Variants in ZNF287 observed in about 807,000 individuals in gnomAD.
ZNF287 encodes zinc finger protein with KRAB and SCAN domains 13.
A neutral mutation model predicts 73.7 loss-of-function variants in ZNF287; 31 were observed. The ratio of observed to expected loss-of-function variants is 0.42; its 90% CI spans 0.32 to 0.57. ZNF287 has a LOEUF of 0.57. Among genes scored for constraint, ZNF287 ranks in the 20% least tolerant of loss-of-function variants. ZNF287 has a pLI of 0.13. For synonymous variants in ZNF287, 301 were observed against 307.2 expected (o/e 0.98, Z 0.21); for missense variants, 641 against 909.3 (o/e 0.70, Z 3.79).
rs1248816533 is a variant in ZNF287 at position 16,551,720 on chromosome 17, CACT to C, written c.*133_*135del. Reference sequence around the variant, plus strand: ...AAATCTAAATAGGTTATATCCATACCACTACTTCTGATACTTCTGCTGAGTATC... The same window carrying C: ...AAATCTAAATAGGTTATATCCATACCACTTCTGATACTTCTGCTGAGTATC... On this transcript the variant is annotated 3_prime_UTR_variant, in exon 6 of 6. Coordinates refer to ENST00000395825, the MANE Select transcript of ZNF287 (RefSeq NM_020653.4). 36 of 886,758 alleles carry C rather than the reference CACT, an allele frequency of 4.1e-5. No individual in the cohort carries two copies. Among genetic ancestry groups the C allele is most frequent in the Non-Finnish European group, 5.0e-5 (29 of 580,084 alleles). 54.9% of individuals were successfully genotyped at this position (886,758 alleles called of 1,614,324 possible).
rs1906566923 is a variant in ZNF287 at position 16,550,384 on chromosome 17, T to C, written c.*1472A>G. On this transcript the variant is annotated 3_prime_UTR_variant, in exon 6 of 6. Coordinates refer to ENST00000395825, the MANE Select transcript of ZNF287 (RefSeq NM_020653.4). ...ACTCTCATTTCATAGGCAAAGCAAG[T>C]CCAATTACATTTCATGTTATAGCAA... is the stretch of plus-strand genomic sequence containing the variant. Among the ~76,000 whole-genome samples, 1 of 152,220 alleles carries C rather than the reference T, an allele frequency of 6.6e-6. No homozygotes were observed. The highest frequency in any genetic ancestry group is 2.4e-5 in the African/African-American group (1 of 41,454).
At chr17:16,562,448 G>A (rs1907504281) in intron 5 of ZNF287, among the ~76,000 whole-genome samples, 1 of 152,010 alleles carries the variant, frequency 6.6e-6, no homozygotes, top group Non-Finnish European at 1.5e-5. Flanking sequence ...TTATTGCCAC[G>A]CTTTTATCCT....
In ZNF287 at chr17:16,563,259, T is replaced by C. The variant is rs1263830470; in HGVS notation, c.629-27A>G. 1.9e-6 allele frequency: 3 copies of C among 1,539,584 alleles called. No homozygotes were observed. In the South Asian group the frequency reaches 3.5e-5, roughly 18 times the overall value. On this transcript the variant is annotated intron_variant, in intron 4 of 5. Transcript: ENST00000395825. ...TGTTCAGGAGGAATATAAAGAATTT[T>C]ATCCTGGAGATAAATGGTTGCTCAA...
At chr17:16,563,874 G>A in intron 3 of ZNF287, 49 bp from the exon 4 acceptor site, 1 of 1,595,918 alleles carries the variant, frequency 6.3e-7, no homozygotes, top group Non-Finnish European at 8.5e-7. Flanking sequence ...AATGGCAAAG[G>A]GGACACTGAT....
Position 16,551,659 on chromosome 17 carries a change from G to A in ZNF287, c.*197C>T, listed in dbSNP as rs921853268. The A allele has an allele frequency of 1.9e-5, 10 of 529,708 alleles. No individual in the cohort carries two copies. Among genetic ancestry groups the A allele is most frequent in the Non-Finnish European group, 3.2e-5 (10 of 312,798 alleles). 32.8% of individuals were successfully genotyped at this position (529,708 alleles called of 1,614,324 possible). A position where few individuals can be genotyped will look rare whatever the true frequency, so the allele number is the denominator to read the frequency against. On this transcript the variant is annotated 3_prime_UTR_variant, in exon 6 of 6. Coordinates refer to ENST00000395825, the MANE Select transcript of ZNF287 (RefSeq NM_020653.4). The stretch of plus-strand genomic sequence containing the variant: ...TGAATTAAAATCATATCAAATTAAG[G>A]TTAAGAAGTCAAGTTTCCTTCTTAA...
rs768104641 is a variant in ZNF287, at chr17:16,553,457, A to T, written c.716-31T>A. On this transcript the variant is annotated intron_variant, in intron 5 of 5. Coordinates refer to ENST00000395825, the MANE Select transcript of ZNF287 (RefSeq NM_020653.4). The stretch of plus-strand genomic sequence containing the variant: ...ATAAAAAATATATTAAAAAATCTTC[A>T]TTTATTTGGAGAAAGGAAACTGCCA... 9 of 1,424,918 alleles carry T rather than the reference A, an allele frequency of 6.3e-6. No individual in the cohort carries two copies. The East Asian group carries it at 2.0e-4, about 32-fold the overall frequency. The allele number at this position is 1,424,918 out of a possible 1,614,324, so 88.3% of individuals were successfully genotyped here.
chr17:16,548,139 C>T lies in ZNF287; in HGVS notation c.*3717G>A, dbSNP rs1178216316. ...GACAATGGATTCAGGCAACGATCACCGTTGGTTACTTTTTACCAGGTAAAA... is the reference window on the plus strand; with the variant it reads ...GACAATGGATTCAGGCAACGATCACTGTTGGTTACTTTTTACCAGGTAAAA... On this transcript the variant is annotated 3_prime_UTR_variant, in exon 6 of 6. Coordinates refer to ENST00000395825, the MANE Select transcript of ZNF287 (RefSeq NM_020653.4). Among the ~76,000 whole-genome samples the T allele has an allele frequency of 6.6e-6, 1 of 152,102 alleles. No individual in the cohort carries two copies. Among genetic ancestry groups the T allele is most frequent in the Non-Finnish European group, 1.5e-5 (1 of 68,030 alleles).
At chr17:16,562,820 AG>A (rs1907525730) in intron 5 of ZNF287, among the ~76,000 whole-genome samples, 1 of 152,190 alleles carries the variant, frequency 6.6e-6, no homozygotes, top group Non-Finnish European at 1.5e-5. Flanking sequence ...TTAAATTTTT[AG>A]GGGGCATTCA....
Position 16,550,035 on chromosome 17 carries a change from G to A in ZNF287, c.*1821C>T, listed in dbSNP as rs1237289867. ...CAAGGGACTGGAGAAACAAGTAAGA[G>A]CACAATGAAATCTCAGTTCTCAGAA... On this transcript the variant is annotated 3_prime_UTR_variant, in exon 6 of 6. Transcript: ENST00000395825. 1.3e-5 allele frequency among the ~76,000 whole-genome samples: 2 copies of A among 152,150 alleles called. No individual in the cohort carries two copies. The highest frequency in any genetic ancestry group is 2.9e-5 in the Non-Finnish European group (2 of 68,030).
rs927957567 is a variant in ZNF287 at position 16,550,369 on chromosome 17, C to T, written c.*1487G>A. On this transcript the variant is annotated 3_prime_UTR_variant, in exon 6 of 6. Coordinates refer to ENST00000395825, the MANE Select transcript of ZNF287 (RefSeq NM_020653.4). The stretch of plus-strand genomic sequence containing the variant: ...CTTTTTTATTTAGCCACTCTCATTT[C>T]ATAGGCAAAGCAAGTCCAATTACAT... Among the ~76,000 whole-genome samples the T allele has an allele frequency of 9.2e-5, 14 of 152,298 alleles. No individual in the cohort carries two copies. Among genetic ancestry groups the T allele is most frequent in the South Asian group, 4.1e-4 (2 of 4,828 alleles).
In ZNF287 at chr17:16,552,067, T is replaced by C; in HGVS notation, c.2075A>G (p.Asn692Ser). Residue 692 changes from asparagine to serine, a missense_variant, in exon 6 of 6, where the codon AAT (asparagine) becomes AGT (serine). By Grantham distance (46) the Asn-to-Ser change is conservative. Around this residue, in one of 2 missense-constraint regions of ZNF287, gnomAD observed 284 missense variants for 466.8 expected, o/e 0.61. Coordinates refer to ENST00000395825, the MANE Select transcript of ZNF287 (RefSeq NM_020653.4). The surrounding 1 kb of genome is among the most constrained non-coding windows in gnomAD (Gnocchi z 6.5). Reference sequence around the variant, plus strand: ...TCCAGTATGAGTTCTCTGATGTTGATTAAGTGATGAGGAATAAATGAAAGC... The same window carrying C: ...TCCAGTATGAGTTCTCTGATGTTGACTAAGTGATGAGGAATAAATGAAAGC... Reference protein sequence around the residue: ...GKAFIYSSSLNQHQRTHTGER... With the variant: ...GKAFIYSSSLSQHQRTHTGER... 2 of 1,614,052 alleles carry C rather than the reference T, an allele frequency of 1.2e-6. No individual in the cohort carries two copies. Among genetic ancestry groups the C allele is most frequent in the Non-Finnish European group, 1.7e-6 (2 of 1,179,966 alleles).
In ZNF287 at chr17:16,566,478, A is replaced by T. The variant is rs773561214; in HGVS notation, c.501+47T>A. 4.6e-6 allele frequency: 7 copies of T among 1,525,792 alleles called. No individual in the cohort carries two copies. The South Asian group carries it at 8.2e-5, about 18-fold the overall frequency. The allele number at this position is 1,525,792 out of a possible 1,614,324, so 94.5% of individuals were successfully genotyped here. On this transcript the variant is annotated intron_variant, in intron 3 of 5. Coordinates refer to ENST00000395825, the MANE Select transcript of ZNF287 (RefSeq NM_020653.4). ...TAGGGCCAGGTCAGAAAATGTCCTC[A>T]CACACTAAGAAGGCATTTTAAAATC...
chr17:16,566,942 G>A (rs747287321), intron 2 of ZNF287, among the ~76,000 whole-genome samples: 1 of 151,934 alleles, frequency 6.6e-6, no homozygotes, highest in Non-Finnish European at 1.5e-5. Context: ...TTCCTTTTTT[G>A]GAAGTATTTT....
chr17:16,563,643 C>T (rs777440845), intron 4 of ZNF287, 56 bp downstream of exon 4: 2 of 1,563,466 alleles, frequency 1.3e-6, no homozygotes, highest in Middle Eastern at 1.7e-4. Flanking sequence ...GTCTGAGGAC[C>T]AACCCATTTT....
intron 3 of ZNF287, among the ~76,000 whole-genome samples, chr17:16,564,838 C>A (rs1407032479): frequency 6.6e-6 from 1 of 151,776 alleles, no homozygotes; most frequent in Non-Finnish European, 1.5e-5. Context: ...AGTGCAGTGG[C>A]CTCCTGAGTA....
In ZNF287 at chr17:16,551,874, A is replaced by G; in HGVS notation, c.2268T>C (p.Gly756=). The G allele has an allele frequency of 6.3e-7, 1 of 1,581,790 alleles. No homozygotes were observed. The highest frequency in any genetic ancestry group is 1.2e-5 in the South Asian group (1 of 86,656). ...TTATCCATTAATTACGATGTTTGGCACCTGTATGAACACGTTGATGCTGAA... is the reference window on the plus strand; with the variant it reads ...TTATCCATTAATTACGATGTTTGGCGCCTGTATGAACACGTTGATGCTGAA... ...NLIQHQRVHT[G]AKHRN The change falls in exon 6 of 6, where the codon GGT becomes GGC. Residue 756 remains glycine, a synonymous_variant. Coordinates refer to ENST00000395825, the MANE Select transcript of ZNF287 (RefSeq NM_020653.4).
chr17:16,565,269 A>G (rs1247825094), intron 3 of ZNF287, among the ~76,000 whole-genome samples: 1 of 151,778 alleles, frequency 6.6e-6, no homozygotes, highest in Non-Finnish European at 1.5e-5. Flanking sequence ...TGATGACTTT[A>G]TAATATTCAA....
At position 16,548,247 on chromosome 17, in the gene ZNF287, G is replaced by T. The variant is rs1016491668; in HGVS notation, c.*3609C>A. Among the ~76,000 whole-genome samples the T allele has an allele frequency of 7.2e-5, 11 of 152,068 alleles. No homozygotes were observed. Among genetic ancestry groups the T allele is most frequent in the African/African-American group, 2.7e-4 (11 of 41,392 alleles). ...AATAGGAAAAACTACCTTTATATTG[G>T]GAAGATCTGGTGACCTCAAATGAGT... On this transcript the variant is annotated 3_prime_UTR_variant, in exon 6 of 6. Transcript: ENST00000395825.
rs1906313404 is a variant in ZNF287, at chr17:16,547,174, C to T, written c.*4682G>A. Among the ~76,000 whole-genome samples, 1 of 152,140 alleles carries T rather than the reference C, an allele frequency of 6.6e-6. No homozygotes were observed. Among genetic ancestry groups the T allele is most frequent in the African/African-American group, 2.4e-5 (1 of 41,422 alleles). The stretch of plus-strand genomic sequence containing the variant: ...TAAGAAAAACTAGTACTTAGATTTG[C>T]ATGAAACAGATCCTTAGGATTAATA... On this transcript the variant is annotated 3_prime_UTR_variant, in exon 6 of 6. Transcript: ENST00000395825.
Sources: allele counts gnomAD v4.1 joint callset (sites outside exome capture counted in the v4.1 genomes callset), GRCh38; gene constraint gnomAD v4.1.1; regional missense constraint gnomAD v4.1.1; non-coding constraint Gnocchi (gnomAD v3.1); transcripts MANE v1.5; gene names NCBI Gene and HGNC (gene_info 2026-07-23, HGNC 2026-07-21).